The following CORO2B variants were observed in gnomAD, a reference collection of about 807,000 sequenced individuals.
CORO2B encodes coronin 2B.
CORO2B carries 26 observed loss-of-function variants against 58.8 expected under a neutral mutation model. That is an observed-to-expected ratio of 0.44 (90% CI 0.32 to 0.61). The LOEUF (loss-of-function observed/expected upper bound fraction) is 0.61, where lower values mean the gene tolerates loss of function less well. CORO2B is among the 20% of genes least tolerant of loss of function. The pLI is 0.04. For missense variants in CORO2B, 460 were observed against 645.1 expected (o/e 0.71, Z 3.11); for synonymous variants, 242 against 253.8 (o/e 0.95, Z 0.44).
intron 11 of CORO2B, among the ~76,000 whole-genome samples, chr15:68,721,447 T>C (rs866169592): frequency 7.2e-5 from 11 of 152,252 alleles, no homozygotes; most frequent in Admixed American, 2.0e-4. Flanking sequence ...AGCTCATGCC[T>C]GTAATCCCAG....
At chr15:68,632,226 G>T in intron 1 of CORO2B, 1 of 985,524 alleles carries the variant, frequency 1.0e-6, no homozygotes, top group South Asian at 4.7e-5. Flanking sequence ...CGGCCCATCT[G>T]TGCAGGGTAC....
chr15:68,539,433 G>C, the CORO2B span, among the ~76,000 whole-genome samples: 3 of 152,146 alleles, frequency 2.0e-5, no homozygotes, highest in Non-Finnish European at 4.4e-5. Context: ...AGCACTTTGG[G>C]AGGCCAAGGC....
In CORO2B at chr15:68,711,532, G is replaced by T. The variant is rs3736272; in HGVS notation, c.484-10G>T. ...CACTGACCCTGCCTCCCATGCATCT[G>T]CCCTCGCAGGTCCTCATCTGGAACC... On this transcript the variant is annotated splice_polypyrimidine_tract_variant and intron_variant, in intron 4 of 11. Transcript: ENST00000261861. 1,143,328 of 1,605,676 alleles carry T rather than the reference G, an allele frequency of 0.71. 414,143 individuals carry two copies. Among genetic ancestry groups the T allele is most frequent in the East Asian group, 0.85 (38,045 of 44,632 alleles).
At chr15:68,613,049 C>A (rs1900277339) in intron 1 of CORO2B, among the ~76,000 whole-genome samples, 1 of 152,204 alleles carries the variant, frequency 6.6e-6, no homozygotes, top group Non-Finnish European at 1.5e-5. Context: ...CACCAAAACT[C>A]CTGATGGCCC....
intron 1 of CORO2B, among the ~76,000 whole-genome samples, chr15:68,638,078 G>A (rs906096356): frequency 1.3e-5 from 2 of 151,970 alleles, no homozygotes; most frequent in East Asian, 1.9e-4. Flanking sequence ...TTTTCCTTCC[G>A]GGCCCTCCCC....
upstream of CORO2B, among the ~76,000 whole-genome samples, chr15:68,577,068 G>T (rs1327666310): frequency 6.6e-6 from 1 of 152,144 alleles, no homozygotes; most frequent in Non-Finnish European, 1.5e-5. Context: ...AAGCAACGTG[G>T]GAAGATGCCT....
At chr15:68,661,472 T>C (rs1902012523) in intron 2 of CORO2B, among the ~76,000 whole-genome samples, 2 of 152,344 alleles carry the variant, frequency 1.3e-5, no homozygotes, top group South Asian at 4.1e-4. Context: ...AGTGTTCTGG[T>C]TATCCAGGCC....
intron 7 of CORO2B, 112 bp downstream of exon 7, chr15:68,714,775 C>T (rs1375864841): frequency 2.8e-5 from 22 of 795,460 alleles, no homozygotes; most frequent in Non-Finnish European, 4.4e-5. Flanking sequence ...CTTCCAAGTT[C>T]CTGGGCCTCA....
chr15:68,646,948 C>G (rs1214458342), intron 2 of CORO2B, among the ~76,000 whole-genome samples: 1 of 152,212 alleles, frequency 6.6e-6, no homozygotes, highest in Non-Finnish European at 1.5e-5. Flanking sequence ...ACGCACTCAG[C>G]TCCATCCATC....
chr15:68,699,453 C>T (rs948333563), intron 3 of CORO2B, among the ~76,000 whole-genome samples: 3 of 151,840 alleles, frequency 2.0e-5, no homozygotes, highest in Non-Finnish European at 2.9e-5. Context: ...AAGGGAAGAG[C>T]GGAGGGGTGT....
chr15:68,551,305 G>T, the CORO2B span, among the ~76,000 whole-genome samples: 1 of 152,010 alleles, frequency 6.6e-6, no homozygotes, highest in African/African-American at 2.4e-5. Context: ...CTCTCAAAGG[G>T]CTGGGAACTA....
At chr15:68,618,990 G>A (rs1418009326) in intron 1 of CORO2B, among the ~76,000 whole-genome samples, 2 of 152,134 alleles carry the variant, frequency 1.3e-5, no homozygotes, top group Admixed American at 1.3e-4. Context: ...CATAGAAGAT[G>A]GGCTCAAGGA....
Position 68,582,123 on chromosome 15 carries a change from T to A in CORO2B, c.15+2846T>A, listed in dbSNP as rs1302208172. 3.9e-5 allele frequency among the ~76,000 whole-genome samples: 6 copies of A among 152,190 alleles called. No homozygotes were observed. In the East Asian group the frequency reaches 1.2e-3, roughly 29 times the overall value. The stretch of plus-strand genomic sequence containing the variant: ...CTCTTTCATACATCCCCTTGCCCCC[T>A]TAACCATGAGGCACAGCTGCTAAAG... On this transcript the variant is annotated intron_variant, in intron 1 of 11. Transcript: ENST00000261861.
At chr15:68,705,253 C>T (rs930254479) in intron 3 of CORO2B, among the ~76,000 whole-genome samples, 4 of 152,114 alleles carry the variant, frequency 2.6e-5, no homozygotes, top group Admixed American at 1.3e-4. Context: ...GCCTGGCCAA[C>T]ATGGCGAAAC....
chr15:68,688,044 C>A (rs1412430847), intron 2 of CORO2B, among the ~76,000 whole-genome samples: 1 of 152,190 alleles, frequency 6.6e-6, no homozygotes, highest in Non-Finnish European at 1.5e-5. Context: ...TGTAGAGAAA[C>A]CTGTATGAAC....
At chr15:68,687,968 A>G (rs1449008422) in intron 2 of CORO2B, among the ~76,000 whole-genome samples, 2 of 152,244 alleles carry the variant, frequency 1.3e-5, no homozygotes, top group Non-Finnish European at 2.9e-5. Flanking sequence ...TAAGTTTCCA[A>G]CACATGAACT....
At chr15:68,692,769 G>A (rs892671533) in intron 2 of CORO2B, among the ~76,000 whole-genome samples, 6 of 151,220 alleles carry the variant, frequency 4.0e-5, no homozygotes, top group Non-Finnish European at 8.9e-5. Context: ...AAGTAGCTGG[G>A]ATTACAGGTG....
At chr15:68,554,981 G>C in the CORO2B span, among the ~76,000 whole-genome samples, 24 of 152,222 alleles carry the variant, frequency 1.6e-4, no homozygotes, top group Non-Finnish European at 2.8e-4. Flanking sequence ...GGAATGGATT[G>C]CACAGTGGTG....
Position 68,721,810 on chromosome 15 carries a change from C to T in CORO2B, c.1311+2258C>T, listed in dbSNP as rs113033652. Among the ~76,000 whole-genome samples the T allele has an allele frequency of 3.2e-3, 492 of 152,184 alleles. 1 individual carries two copies. Among genetic ancestry groups the T allele is most frequent in the Non-Finnish European group, 3.9e-3 (266 of 68,014 alleles). On this transcript the variant is annotated intron_variant, in intron 11 of 11. Coordinates refer to ENST00000261861, the MANE Select transcript of CORO2B (RefSeq NM_006091.5). ...TCTCCCAGACTGCAGTGCTGTGGCA[C>T]GATCATAGCTCACTATAACCTCAAT...
Sources: allele counts gnomAD v4.1 joint callset (sites outside exome capture counted in the v4.1 genomes callset), GRCh38; gene constraint gnomAD v4.1.1; transcripts MANE v1.5; gene names NCBI Gene and HGNC (gene_info 2026-07-23, HGNC 2026-07-21).